Variants in GPD2 observed in about 807,000 individuals in gnomAD.
The protein encoded by GPD2 is glycerol-3-phosphate dehydrogenase, mitochondrial.
A neutral mutation model predicts 82.4 loss-of-function variants in GPD2; 54 were observed. That is an observed-to-expected ratio of 0.66 (90% CI 0.53 to 0.82). GPD2 has a LOEUF of 0.82. Ranked by LOEUF, GPD2 falls within the 40% of genes least tolerant of loss-of-function variation. GPD2 has a pLI of 0.00. For missense variants in GPD2, 748 were observed against 896.2 expected (o/e 0.83, Z 2.11); for synonymous variants, 288 against 306.1 (o/e 0.94, Z 0.62).
chr2:156,417,827 G>A, the GPD2 span, among the ~76,000 whole-genome samples: 1 of 151,840 alleles, frequency 6.6e-6, no homozygotes, highest in Non-Finnish European at 1.5e-5. Flanking sequence ...AGGTTGCAGT[G>A]AGCTGTGATT....
At chr2:156,492,932 T>C (rs1426154707) in intron 2 of GPD2, among the ~76,000 whole-genome samples, 1 of 152,306 alleles carries the variant, frequency 6.6e-6, no homozygotes. Context: ...TTGAGATATA[T>C]GTAAGACATC....
chr2:156,415,565 A>G, the GPD2 span, among the ~76,000 whole-genome samples: 2 of 151,926 alleles, frequency 1.3e-5, no homozygotes, highest in Non-Finnish European at 2.9e-5. Context: ...TTTGAATAAT[A>G]GCCTCCAGGG....
At position 156,454,870 on chromosome 2, in the gene GPD2, T is replaced by C. The variant is rs1169929864; in HGVS notation, c.-9+18357T>C. On this transcript the variant is annotated intron_variant, in intron 1 of 16. Transcript: ENST00000438166. Reference sequence around the variant, plus strand: ...TAGTGGCCAGGGGTGAGCAAAAGCCTTCTTAGTGTGTCTGTAGCCTAGGTC... The same window carrying C: ...TAGTGGCCAGGGGTGAGCAAAAGCCCTCTTAGTGTGTCTGTAGCCTAGGTC... 2.0e-5 allele frequency among the ~76,000 whole-genome samples: 3 copies of C among 152,080 alleles called. No homozygotes were observed. In the South Asian group the frequency reaches 6.2e-4, roughly 32 times the overall value.
Position 156,480,362 on chromosome 2 carries a change from A to G in GPD2, c.102+4155A>G, listed in dbSNP as rs529413799. Among the ~76,000 whole-genome samples, 383 of 152,292 alleles carry G rather than the reference A, an allele frequency of 2.5e-3. 4 individuals are homozygous for G. Among genetic ancestry groups the G allele is most frequent in the African/African-American group, 8.8e-3 (367 of 41,562 alleles). On this transcript the variant is annotated intron_variant, in intron 2 of 16. Transcript: ENST00000438166. ...AGAATGAAACAAGAATAGAGTGGGA[A>G]GGAGTACAGGGATTTCACACGGGGC...
chr2:156,433,128 C>G (rs1188801015), upstream of GPD2, among the ~76,000 whole-genome samples: 1 of 152,148 alleles, frequency 6.6e-6, no homozygotes, highest in Non-Finnish European at 1.5e-5. Context: ...ACAAGCTGTC[C>G]TTGTTCATTC....
chr2:156,547,393 C>T (rs1686585169), intron 6 of GPD2, among the ~76,000 whole-genome samples: 2 of 152,118 alleles, frequency 1.3e-5, no homozygotes, highest in African/African-American at 4.8e-5. Flanking sequence ...AGGATGGTAT[C>T]CAGCCAGAAG....
At chr2:156,410,248 T>G in the GPD2 span, among the ~76,000 whole-genome samples, 1 of 152,208 alleles carries the variant, frequency 6.6e-6, no homozygotes, top group East Asian at 1.9e-4. Context: ...CAGAAGGATC[T>G]GAATGAGTTT....
intron 2 of GPD2, among the ~76,000 whole-genome samples, chr2:156,490,538 A>G (rs1326705639): frequency 2.0e-5 from 3 of 152,190 alleles, no homozygotes; most frequent in Non-Finnish European, 4.4e-5. Flanking sequence ...CAAACAAACT[A>G]CTTTCTAGAT....
Position 156,549,681 on chromosome 2 carries a change from T to A in GPD2, c.735T>A (p.Asn245Lys), listed in dbSNP as rs745840652. 6.2e-7 allele frequency: 1 copy of A among 1,613,732 alleles called. No homozygotes were observed. Among genetic ancestry groups the A allele is most frequent in the Non-Finnish European group, 8.5e-7 (1 of 1,179,634 alleles). Residue 245 changes from asparagine to lysine, a missense_variant, in exon 7 of 17, where the codon AAT (asparagine) becomes AAA (lysine). Asn to Lys is a moderately conservative substitution (Grantham distance 94). This residue lies in a region of GPD2 where 692 missense variants were observed against 809.7 expected (regional missense o/e 0.85). Coordinates refer to ENST00000438166, the MANE Select transcript of GPD2 (RefSeq NM_000408.5). ...CCAGGTATGGGGCTGCCACAGCCAA[T>A]TACATGGAGGTAGTGAGCTTGCTCA... ...TAARYGAATANYMEVVSLLKK... is the reference protein window; with the variant it reads ...TAARYGAATAKYMEVVSLLKK...
At chr2:156,574,453 C>T (rs777441299) in intron 13 of GPD2, among the ~76,000 whole-genome samples, 3 of 152,092 alleles carry the variant, frequency 2.0e-5, no homozygotes, top group African/African-American at 4.8e-5. Flanking sequence ...GGAGCTAGTA[C>T]TTAGAACATA....
intron 3 of GPD2, among the ~76,000 whole-genome samples, chr2:156,504,789 C>T (rs1684724666): frequency 6.6e-6 from 1 of 151,680 alleles, no homozygotes; most frequent in Non-Finnish European, 1.5e-5. Flanking sequence ...TAAGTGTTTA[C>T]AATAAACAGT....
intron 1 of GPD2, among the ~76,000 whole-genome samples, chr2:156,462,652 G>A (rs948310192): frequency 1.3e-5 from 2 of 152,014 alleles, no homozygotes; most frequent in Non-Finnish European, 2.9e-5. Context: ...TTCATTCACA[G>A]TGTGTACAGC....
rs1392974376 is a variant in GPD2, at chr2:156,522,057, G to A, written c.661+8561G>A. 3.3e-5 allele frequency among the ~76,000 whole-genome samples: 5 copies of A among 151,906 alleles called. No homozygotes were observed. The East Asian group carries it at 9.6e-4, about 29-fold the overall frequency. On this transcript the variant is annotated intron_variant, in intron 6 of 16. Transcript: ENST00000438166. ...AATGAAGTTTGACATGTACCCCTAA[G>A]AAACAAAACTTATAAATTGTGGCTT...
At chr2:156,524,407 T>C (rs1036115340) in intron 6 of GPD2, among the ~76,000 whole-genome samples, 6 of 152,196 alleles carry the variant, frequency 3.9e-5, no homozygotes, top group Admixed American at 2.0e-4. Context: ...TATATAGTTA[T>C]AGTGAGATGG....
At chr2:156,443,184 C>T (rs1367919206) in intron 1 of GPD2, among the ~76,000 whole-genome samples, 1 of 152,196 alleles carries the variant, frequency 6.6e-6, no homozygotes, top group Non-Finnish European at 1.5e-5. Context: ...CCCTCACAGC[C>T]CCAGTCAGAA....
At chr2:156,464,837 G>T (rs1265403267) in intron 1 of GPD2, among the ~76,000 whole-genome samples, 1 of 151,958 alleles carries the variant, frequency 6.6e-6, no homozygotes, top group Non-Finnish European at 1.5e-5. Flanking sequence ...ACTTTTGAAA[G>T]AATTGGTACA....
At position 156,469,332 on chromosome 2, in the gene GPD2, T is replaced by A. The variant is rs190928547; in HGVS notation, c.-8-6766T>A. Reference sequence around the variant, plus strand: ...CACCCACCACCACGCCTGGCTAATTTTTTTGTATTTTTAGTAGAGACGGAG... The same window carrying A: ...CACCCACCACCACGCCTGGCTAATTATTTTGTATTTTTAGTAGAGACGGAG... On this transcript the variant is annotated intron_variant, in intron 1 of 16. Transcript: ENST00000438166. 2.0e-5 allele frequency among the ~76,000 whole-genome samples: 3 copies of A among 152,176 alleles called. No individual in the cohort carries two copies. In the East Asian group the frequency reaches 5.8e-4, roughly 29 times the overall value.
chr2:156,529,900 T>G (rs1423496359), intron 6 of GPD2, among the ~76,000 whole-genome samples: 2 of 152,172 alleles, frequency 1.3e-5, no homozygotes, highest in Non-Finnish European at 2.9e-5. Context: ...TCTTTTGGCT[T>G]AGGATTGCCT....
chr2:156,451,747 A>AC (rs1202521705), intron 1 of GPD2, among the ~76,000 whole-genome samples: 43 of 137,750 alleles, frequency 3.1e-4, no homozygotes, highest in South Asian at 4.9e-4. Flanking sequence ...CGGGGGGCTG[A>AC]CCCCCCCACC....
Sources: allele counts gnomAD v4.1 joint callset (sites outside exome capture counted in the v4.1 genomes callset), GRCh38; gene constraint gnomAD v4.1.1; regional missense constraint gnomAD v4.1.1; transcripts MANE v1.5; gene names NCBI Gene and HGNC (gene_info 2026-07-23, HGNC 2026-07-21).